The following PCNX2 variants were observed in gnomAD, a reference collection of about 807,000 sequenced individuals.
PCNX2 encodes pecanex 2.
PCNX2 carries 168 observed loss-of-function variants against 223.8 expected under a neutral mutation model. The ratio of observed to expected loss-of-function variants is 0.75; its 90% confidence interval spans 0.66 to 0.85. PCNX2 has a LOEUF of 0.85. PCNX2 is among the 40% of genes least tolerant of loss of function. The pLI is 0.00. For synonymous variants in PCNX2, 1,006 were observed against 1,052.6 expected (o/e 0.96, Z 0.86); for missense variants, 2,507 against 2,675.5 (o/e 0.94, Z 1.39).
chr1:233,064,115 GT>G (rs1672503329), intron 23 of PCNX2, among the ~76,000 whole-genome samples: 1 of 151,132 alleles, frequency 6.6e-6, no homozygotes, highest in African/African-American at 2.4e-5. Flanking sequence ...TTATTTCCTG[GT>G]TCTTGTTCAC....
At chr1:233,158,191 C>A (rs1678243676) in intron 19 of PCNX2, among the ~76,000 whole-genome samples, 1 of 152,110 alleles carries the variant, frequency 6.6e-6, no homozygotes, top group South Asian at 2.1e-4. Flanking sequence ...AAACCAGAAA[C>A]CGAGTTGTTA....
intron 14 of PCNX2, among the ~76,000 whole-genome samples, 198 bp from the exon 15 acceptor site, chr1:233,199,228 A>C (rs912869952): frequency 6.6e-6 from 1 of 152,226 alleles, no homozygotes; most frequent in Non-Finnish European, 1.5e-5. Flanking sequence ...TAAAAATTCA[A>C]GAGGAAAGTA....
At chr1:233,271,917 A>G (rs1660658491) in intron 1 of PCNX2, among the ~76,000 whole-genome samples, 1 of 152,184 alleles carries the variant, frequency 6.6e-6, no homozygotes, top group Non-Finnish European at 1.5e-5. Context: ...TGATGCCTCC[A>G]GATTTGTTCT....
intron 9 of PCNX2, chr1:233,233,079 C>T: frequency 1.1e-6 from 1 of 949,636 alleles, no homozygotes; most frequent in African/African-American, 1.8e-5. Context: ...TGCCTCTCAA[C>T]CAGCAGTGTA....
chr1:233,319,847 CTTTAT>C, the PCNX2 span, among the ~76,000 whole-genome samples: 2 of 152,148 alleles, frequency 1.3e-5, no homozygotes, highest in African/African-American at 4.8e-5. Context: ...TTATTTATAG[CTTTAT>C]TTTAAAGATA....
chr1:233,292,157 T>C (rs1328554814), intron 1 of PCNX2: 2 of 573,880 alleles, frequency 3.5e-6, no homozygotes, highest in East Asian at 1.5e-4. Context: ...ATCTGTTATA[T>C]TAAAAAGTGG....
At chr1:233,267,011 TTC>T (rs1470987545) in intron 1 of PCNX2, among the ~76,000 whole-genome samples, 2 of 151,996 alleles carry the variant, frequency 1.3e-5, no homozygotes, top group Non-Finnish European at 2.9e-5. Context: ...CTGTTTTTTT[TTC>T]TCTCTTTTCT....
intron 28 of PCNX2, among the ~76,000 whole-genome samples, chr1:233,004,744 A>C (rs562421509): frequency 1.6e-4 from 25 of 152,222 alleles, no homozygotes; most frequent in Non-Finnish European, 2.5e-4. Flanking sequence ...ACTGATTGCT[A>C]TTTTAGCATT....
At chr1:232,995,838 T>A (rs1669855872) in intron 32 of PCNX2, among the ~76,000 whole-genome samples, 1 of 152,130 alleles carries the variant, frequency 6.6e-6, no homozygotes, top group Admixed American at 6.5e-5. Flanking sequence ...TTCCAGGTGC[T>A]GTTTTATAGG....
chr1:233,040,836 C>T (rs917164977), intron 25 of PCNX2, among the ~76,000 whole-genome samples: 1 of 152,176 alleles, frequency 6.6e-6, no homozygotes, highest in Non-Finnish European at 1.5e-5. Context: ...CCAGTCATTC[C>T]CACAGTGATA....
chr1:233,269,770 C>T (rs997603376), intron 1 of PCNX2, among the ~76,000 whole-genome samples: 32 of 152,184 alleles, frequency 2.1e-4, no homozygotes, highest in African/African-American at 7.5e-4. Flanking sequence ...TATGCCCATC[C>T]GAGAGTGCTG....
intron 28 of PCNX2, among the ~76,000 whole-genome samples, chr1:233,012,525 T>C (rs6702102): frequency 0.31 from 47,048 of 152,024 alleles, 8,806 homozygotes; most frequent in African/African-American, 0.52. Context: ...TAGTCAAGTG[T>C]TTCCCTAGAA....
intron 13 of PCNX2, among the ~76,000 whole-genome samples, chr1:233,207,780 C>A (rs577786706): frequency 6.6e-6 from 1 of 151,990 alleles, no homozygotes; most frequent in Non-Finnish European, 1.5e-5. Context: ...TTAAACAGAG[C>A]GTTTTATATA....
At chr1:233,045,077 T>TACG (rs1467343012) in intron 25 of PCNX2, among the ~76,000 whole-genome samples, 3 of 152,220 alleles carry the variant, frequency 2.0e-5, no homozygotes, top group Non-Finnish European at 2.9e-5. Flanking sequence ...ATCCAAGATC[T>TACG]ACGTCCCTAT....
Position 233,001,573 on chromosome 1 carries a change from T to C in PCNX2, c.5061A>G (p.Val1687=). The change falls in exon 29 of 34, where the codon GTA becomes GTG. Residue 1687 remains valine, a synonymous_variant. Transcript: ENST00000258229. This position sits in a 1 kb window ranked among gnomAD's most constrained non-coding sequence, Gnocchi z 4.2. ...TCAGGGACATCCTGATAGCTGGAGC[T>C]ACAACTTTATGCAGTAGGTCCATGT... ...FADMDLLHKV[V]APAIRMSLKL... is the part of the protein sequence containing the mutation. The C allele has an allele frequency of 4.6e-6, 7 of 1,509,350 alleles. No homozygotes were observed. The highest frequency in any genetic ancestry group is 3.5e-4 in the Middle Eastern group (2 of 5,752). The allele number at this position is 1,509,350 out of a possible 1,614,324, so 93.5% of individuals were successfully genotyped here. A position where few individuals can be genotyped will look rare whatever the true frequency, so the allele number is the denominator to read the frequency against.
intron 1 of PCNX2, among the ~76,000 whole-genome samples, chr1:233,271,784 A>C (rs960661005): frequency 2.6e-5 from 4 of 152,140 alleles, no homozygotes; most frequent in Admixed American, 6.6e-5. Flanking sequence ...AGTTGGCTGT[A>C]AGTATTTGGC....
At chr1:233,194,095 T>A (rs1021826166) in intron 15 of PCNX2, among the ~76,000 whole-genome samples, 1 of 149,780 alleles carries the variant, frequency 6.7e-6, no homozygotes, top group Admixed American at 6.6e-5. Context: ...ATACACTTAG[T>A]CACAGCATTG....
chr1:233,277,630 C>T (rs1016818719), intron 1 of PCNX2, among the ~76,000 whole-genome samples: 3 of 152,136 alleles, frequency 2.0e-5, no homozygotes, highest in African/African-American at 7.2e-5. Flanking sequence ...GGCGTCAAGG[C>T]AGTCCAATTA....
intron 25 of PCNX2, chr1:233,025,625 T>A (rs1259741307): frequency 3.4e-6 from 2 of 583,420 alleles, no homozygotes; most frequent in Non-Finnish European, 5.9e-6. Context: ...AAAATATATT[T>A]AAACGATTTA....
Sources: allele counts gnomAD v4.1 joint callset (sites outside exome capture counted in the v4.1 genomes callset), GRCh38; gene constraint gnomAD v4.1.1; non-coding constraint Gnocchi (gnomAD v3.1); transcripts MANE v1.5; gene names NCBI Gene and HGNC (gene_info 2026-07-23, HGNC 2026-07-21).